Variants in GRID2 observed in about 807,000 individuals in gnomAD.
The protein encoded by GRID2 is glutamate ionotropic receptor delta type subunit 2.
GRID2 carries 33 observed loss-of-function variants against 114.8 expected under a neutral mutation model. That is an observed-to-expected ratio of 0.29 (90% CI 0.22 to 0.38). The LOEUF is 0.38. Among genes scored for constraint, GRID2 ranks in the 10% least tolerant of loss-of-function variants. The pLI is 1.00. For synonymous variants in GRID2, 505 were observed against 449.9 expected, an observed-to-expected ratio of 1.12 and a Z score of -1.55; for missense variants, 1,184 against 1,257.7, an observed-to-expected ratio of 0.94 and a Z score of 0.89.
chr4:92,354,643 T>C (rs1728229156), intron 1 of GRID2, among the ~76,000 whole-genome samples: 1 of 151,980 alleles, frequency 6.6e-6, no homozygotes, highest in African/African-American at 2.4e-5. Flanking sequence ...TTATACATTA[T>C]ACAGATTGTG....
At chr4:92,516,226 G>C (rs1724493426) in intron 1 of GRID2, among the ~76,000 whole-genome samples, 1 of 151,820 alleles carries the variant, frequency 6.6e-6, no homozygotes, top group Non-Finnish European at 1.5e-5. Context: ...TTATTTGATG[G>C]TAAGATGCAG....
At chr4:92,673,520 G>A (rs2149277946) in intron 2 of GRID2, among the ~76,000 whole-genome samples, 1 of 152,246 alleles carries the variant, frequency 6.6e-6, no homozygotes, top group Non-Finnish European at 1.5e-5. Context: ...CTACGCTTAA[G>A]GAGTTTTTAA....
intron 13 of GRID2, among the ~76,000 whole-genome samples, chr4:93,579,638 AG>A (rs1370717134): frequency 1.3e-5 from 2 of 152,140 alleles, no homozygotes; most frequent in Non-Finnish European, 2.9e-5. Flanking sequence ...TTGCAATTAA[AG>A]TATGTTAATT....
At chr4:93,206,005 G>T (rs1742721041) in intron 4 of GRID2, among the ~76,000 whole-genome samples, 1 of 151,894 alleles carries the variant, frequency 6.6e-6, no homozygotes, top group African/African-American at 2.4e-5. Context: ...CACCAGCATG[G>T]CATGTGTATA....
intron 8 of GRID2, among the ~76,000 whole-genome samples, chr4:93,280,027 G>T (rs557642458): frequency 9.2e-5 from 14 of 151,908 alleles, no homozygotes; most frequent in African/African-American, 3.4e-4. Context: ...TGTTTGGCAG[G>T]GAGCTATGAA....
intron 1 of GRID2, among the ~76,000 whole-genome samples, chr4:92,527,866 G>T (rs902276362): frequency 1.3e-5 from 2 of 151,758 alleles, no homozygotes. Context: ...TGTGAACATA[G>T]CATTATTGCT....
chr4:92,709,474 A>G (rs960310627), intron 2 of GRID2, among the ~76,000 whole-genome samples: 8 of 151,508 alleles, frequency 5.3e-5, no homozygotes, highest in Non-Finnish European at 1.2e-4. Context: ...AATGATCTAC[A>G]AAGTGGAGAG....
At chr4:93,263,777 A>G (rs1179636790) in intron 8 of GRID2, among the ~76,000 whole-genome samples, 8 of 152,052 alleles carry the variant, frequency 5.3e-5, no homozygotes, top group Non-Finnish European at 1.2e-4. Flanking sequence ...AGAAATAACT[A>G]CTTAGTTAGA....
intron 1 of GRID2, among the ~76,000 whole-genome samples, chr4:93,793,369 G>C (rs917978031): frequency 9.9e-5 from 15 of 152,138 alleles, no homozygotes; most frequent in Non-Finnish European, 1.6e-4. Flanking sequence ...ATTAGATTCT[G>C]ATAATGAACG....
chr4:93,406,965 G>A (rs1047113504), intron 9 of GRID2, among the ~76,000 whole-genome samples: 14 of 152,096 alleles, frequency 9.2e-5, no homozygotes, highest in African/African-American at 2.9e-4. Context: ...TTCCTTCTCA[G>A]TAGAGAAAAG....
intron 1 of GRID2, among the ~76,000 whole-genome samples, chr4:92,428,619 GT>G (rs1252053146): frequency 6.6e-6 from 1 of 151,886 alleles, no homozygotes; most frequent in South Asian, 2.1e-4. Context: ...TAACTATTAT[GT>G]TTTTTGCTAA....
intron 1 of GRID2, among the ~76,000 whole-genome samples, chr4:92,551,394 C>T (rs1007282603): frequency 6.6e-6 from 1 of 152,054 alleles, no homozygotes; most frequent in Non-Finnish European, 1.5e-5. Context: ...CATTGTCACA[C>T]ATTATACAAT....
chr4:93,358,292 CTCTTT>C (rs1761539987), intron 8 of GRID2, among the ~76,000 whole-genome samples: 3 of 151,748 alleles, frequency 2.0e-5, no homozygotes, highest in African/African-American at 4.8e-5. Context: ...GCAAAAATGA[CTCTTT>C]TCTTGTTCCT....
At chr4:92,536,238 C>T (rs1725624310) in intron 1 of GRID2, among the ~76,000 whole-genome samples, 1 of 152,104 alleles carries the variant, frequency 6.6e-6, no homozygotes, top group African/African-American at 2.4e-5. Context: ...ATTTACAATC[C>T]TTTAACTAGA....
intron 2 of GRID2, among the ~76,000 whole-genome samples, chr4:92,916,801 A>G (rs542812710): frequency 1.8e-4 from 28 of 152,292 alleles, no homozygotes; most frequent in South Asian, 1.7e-3. Context: ...GCTGTTGTGA[A>G]TAGTGCCGCA....
intron 4 of GRID2, chr4:93,204,172 T>G (rs907051427): frequency 6.6e-6 from 1 of 152,158 alleles, no homozygotes; most frequent in Non-Finnish European, 1.5e-5. Context: ...GGCAGGGTAT[T>G]TTTTAAATTC....
At chr4:93,742,275 A>G (rs1731487112) in intron 14 of GRID2, among the ~76,000 whole-genome samples, 1 of 152,184 alleles carries the variant, frequency 6.6e-6, no homozygotes, top group African/African-American at 2.4e-5. Context: ...AACAAGCCAG[A>G]CTACAAGCTT....
intron 4 of GRID2, among the ~76,000 whole-genome samples, chr4:93,198,261 T>A (rs1042134873): frequency 6.6e-6 from 1 of 152,204 alleles, no homozygotes; most frequent in Admixed American, 6.5e-5. Flanking sequence ...TAAGTGACTC[T>A]GTGTGTGTTT....
At chr4:93,659,294 C>T (rs1202586888) in intron 14 of GRID2, among the ~76,000 whole-genome samples, 2 of 152,134 alleles carry the variant, frequency 1.3e-5, no homozygotes, top group Admixed American at 6.6e-5. Flanking sequence ...CTGGAGGTCT[C>T]ACACTTATGG....
Sources: gnomAD v4.1 joint callset for allele counts (sites outside exome capture counted in the v4.1 genomes callset) on GRCh38, gnomAD v4.1.1 for gene constraint, MANE v1.5 for transcripts, NCBI Gene and HGNC (gene_info 2026-07-23, HGNC 2026-07-21) for gene names.